The following SMARCA4 variants were observed in gnomAD, a reference collection of about 807,000 sequenced individuals.
The protein encoded by SMARCA4 is SWI/SNF-related matrix-associated actin-dependent regulator of chromatin subfamily A member 4.
Under a neutral mutation model 193.9 loss-of-function variants are expected in SMARCA4, and 31 were observed. The ratio of observed to expected loss-of-function variants is 0.16; its 90% confidence interval spans 0.12 to 0.22. The LOEUF (loss-of-function observed/expected upper bound fraction) is 0.22, where lower values mean the gene tolerates loss of function less well. SMARCA4 is among the 10% of genes least tolerant of loss of function. The pLI is 1.00. For missense variants in SMARCA4, 1,148 were observed against 2,296.0 expected (o/e 0.50, Z 10.22); for synonymous variants, 942 against 933.1 (o/e 1.01, Z -0.17).
intron 34 of SMARCA4, 154 bp from the exon 35 acceptor site, chr19:11,061,630 C>G (rs2076904324): frequency 2.6e-6 from 2 of 756,784 alleles, no homozygotes; most frequent in Non-Finnish European, 2.4e-6. Context: ...CCCGCCTTGG[C>G]CTTCCAAAGT....
In SMARCA4 at chr19:11,057,874, G is replaced by A. The variant is rs150106553; in HGVS notation, c.4425-381G>A. ...TCCCAGCACTTTGGGATGCTGAGGC[G>A]GGCTGATCACCTGAGGTCGGGAGTT... On this transcript the variant is annotated intron_variant, in intron 30 of 34. Coordinates refer to ENST00000344626, the MANE Select transcript of SMARCA4 (RefSeq NM_003072.5). Among the ~76,000 whole-genome samples, 196 of 152,078 alleles carry A rather than the reference G, an allele frequency of 1.3e-3. 3 individuals carry two copies. The highest frequency in any genetic ancestry group is 4.2e-3 in the African/African-American group (174 of 41,488).
chr19:11,009,007 CTTTTTTTTTTTTTTTTTTTT>C (rs762148337), intron 14 of SMARCA4, among the ~76,000 whole-genome samples: 6 of 40,948 alleles, frequency 1.5e-4, no homozygotes, highest in East Asian at 9.1e-4. Context: ...ATAAAAGTCA[CTTTTTTTTTTTTTTTTTTTT>C]TTTTTTTTTT....
At chr19:11,052,343 G>T (rs991095890) in intron 30 of SMARCA4, among the ~76,000 whole-genome samples, 5 of 152,142 alleles carry the variant, frequency 3.3e-5, no homozygotes, top group Non-Finnish European at 7.4e-5. Context: ...GGAAAATCAC[G>T]TGAGCCCAGG....
intron 1 of SMARCA4, among the ~76,000 whole-genome samples, chr19:10,971,347 C>T (rs915765630): frequency 2.6e-5 from 4 of 152,190 alleles, no homozygotes; most frequent in Non-Finnish European, 5.9e-5. Context: ...ACATGGTGCC[C>T]ATGTCACTAC....
chr19:10,985,971 G>A lies in SMARCA4; in HGVS notation c.356-218G>A, dbSNP rs991980442. Among the ~76,000 whole-genome samples the A allele has an allele frequency of 1.3e-5, 2 of 152,184 alleles. No individual in the cohort carries two copies. Among genetic ancestry groups the A allele is most frequent in the Admixed American group, 1.3e-4 (2 of 15,286 alleles). On this transcript the variant is annotated intron_variant, in intron 3 of 34. Transcript: ENST00000344626. This position sits in a 1 kb window ranked among gnomAD's most constrained non-coding sequence, Gnocchi z 4.5. ...CACAGGTTCTCAGCATTAACCAGAA[G>A]CACCTTACTGAGACGTGGGCCAAAC...
intron 8 of SMARCA4, among the ~76,000 whole-genome samples, chr19:10,993,473 C>G (rs1156423042): frequency 6.6e-6 from 1 of 152,092 alleles, no homozygotes; most frequent in South Asian, 2.1e-4. Context: ...CATTTTGGAG[C>G]TGGTCTCTGA....
rs111749589 is a variant in SMARCA4, at chr19:11,043,101, G to A, written c.4424+1541G>A. The stretch of plus-strand genomic sequence containing the variant: ...AGGTCAGGAGTTTGAAACCAGCATG[G>A]CCAATATGGCGAAACCCCCTCTCTA... On this transcript the variant is annotated intron_variant, in intron 30 of 34. Coordinates refer to ENST00000344626, the MANE Select transcript of SMARCA4 (RefSeq NM_003072.5). Among the ~76,000 whole-genome samples the A allele has an allele frequency of 2.2e-3, 341 of 152,278 alleles. 2 individuals carry two copies. Among genetic ancestry groups the A allele is most frequent in the African/African-American group, 7.9e-3 (327 of 41,562 alleles).
chr19:11,045,269 G>A (rs1323112023), intron 30 of SMARCA4, among the ~76,000 whole-genome samples: 3 of 152,050 alleles, frequency 2.0e-5, no homozygotes, highest in Non-Finnish European at 2.9e-5. Flanking sequence ...GCAGTGAGCC[G>A]AGACCGCGCC....
chr19:10,975,588 C>T (rs997578388), intron 1 of SMARCA4, among the ~76,000 whole-genome samples: 8 of 151,222 alleles, frequency 5.3e-5, no homozygotes, highest in African/African-American at 1.7e-4. Context: ...GAATTGTAGG[C>T]GTGAGCCACC....
chr19:11,003,948 G>C (rs2087914603), intron 13 of SMARCA4, among the ~76,000 whole-genome samples: 1 of 151,986 alleles, frequency 6.6e-6, no homozygotes, highest in South Asian at 2.1e-4. Context: ...CCGACCTGAA[G>C]TGATCCACCT....
At chr19:10,979,412 CTTTT>C (rs778610991) in intron 1 of SMARCA4, among the ~76,000 whole-genome samples, 3 of 137,800 alleles carry the variant, frequency 2.2e-5, no homozygotes, top group Non-Finnish European at 1.6e-5. Context: ...GTGTGATTGT[CTTTT>C]TTTTTTTTTT....
chr19:11,038,669 G>T (rs1305633120), intron 29 of SMARCA4, among the ~76,000 whole-genome samples: 1 of 152,180 alleles, frequency 6.6e-6, no homozygotes, highest in Non-Finnish European at 1.5e-5. Context: ...AAAGGGCCCT[G>T]GCTGGTTCAA....
intron 15 of SMARCA4, 44 bp downstream of exon 15, chr19:11,010,575 G>T: frequency 6.3e-7 from 1 of 1,599,750 alleles, no homozygotes; most frequent in Non-Finnish European, 8.5e-7. Context: ...AGCTGCCTCG[G>T]TGCAGGTGTT....
In SMARCA4 at chr19:11,019,408, C is replaced by T. The variant is rs1005893560; in HGVS notation, c.2506-183C>T. On this transcript the variant is annotated intron_variant, in intron 17 of 34. Coordinates refer to ENST00000344626, the MANE Select transcript of SMARCA4 (RefSeq NM_003072.5). The surrounding 1 kb of genome is among the most constrained non-coding windows in gnomAD (Gnocchi z 6.1). ...ACTGCTTCCTCTTCCCCCTGCAGCG[C>T]GTGTTCTGCGTGGTGAGGTCTGGGG... 48 of 628,828 alleles carry T rather than the reference C, an allele frequency of 7.6e-5. No individual in the cohort carries two copies. The highest frequency in any genetic ancestry group is 2.7e-5 in the East Asian group (1 of 36,580). The allele number at this position is 628,828 out of a possible 1,614,324, so 39.0% of individuals were successfully genotyped here. A position where few individuals can be genotyped will look rare whatever the true frequency, so the allele number is the denominator to read the frequency against.
intron 11 of SMARCA4, among the ~76,000 whole-genome samples, chr19:10,998,736 A>T (rs1284426627): frequency 6.6e-6 from 1 of 151,996 alleles, no homozygotes; most frequent in East Asian, 1.9e-4. Context: ...TCTTTTGGTC[A>T]TTTAGCTTTA....
intron 1 of SMARCA4, among the ~76,000 whole-genome samples, chr19:10,975,985 T>C (rs1238594352): frequency 6.6e-6 from 1 of 152,166 alleles, no homozygotes; most frequent in Non-Finnish European, 1.5e-5. Context: ...CCTCATCCTT[T>C]GCTTTTTCCA....
At chr19:11,012,912 G>A (rs776490712) in intron 15 of SMARCA4, 37 bp from the exon 16 acceptor site, 4 of 1,611,664 alleles carry the variant, frequency 2.5e-6, no homozygotes, top group African/African-American at 1.3e-5. Flanking sequence ...GTCCGACCCG[G>A]CCTTCAGTCC....
In SMARCA4 at chr19:10,984,412, G is replaced by T. The variant is rs1265264589; in HGVS notation, c.222+39G>T. 8 of 1,552,622 alleles carry T rather than the reference G, an allele frequency of 5.2e-6. No individual in the cohort carries two copies. The Admixed American group carries it at 1.4e-4, about 26-fold the overall frequency. ...TGCCCGCCTCGCACCTGCGGCCTCT[G>T]CCCACTAGGGCTGCAGGCAGCCTCT... On this transcript the variant is annotated intron_variant, in intron 2 of 34. Coordinates refer to ENST00000344626, the MANE Select transcript of SMARCA4 (RefSeq NM_003072.5). The surrounding 1 kb of genome is among the most constrained non-coding windows in gnomAD (Gnocchi z 4.3).
intron 30 of SMARCA4, among the ~76,000 whole-genome samples, chr19:11,049,451 A>G (rs1251949688): frequency 6.6e-6 from 1 of 151,466 alleles, no homozygotes; most frequent in Non-Finnish European, 1.5e-5. Context: ...GGGGCTGTAC[A>G]CTGCCAGTTG....
Sources: allele counts gnomAD v4.1 joint callset (sites outside exome capture counted in the v4.1 genomes callset), GRCh38; gene constraint gnomAD v4.1.1; non-coding constraint Gnocchi (gnomAD v3.1); transcripts MANE v1.5; gene names NCBI Gene and HGNC (gene_info 2026-07-23, HGNC 2026-07-21).